ULK1: variants seen among roughly 807,000 people sequenced by gnomAD.
ULK1 encodes unc-51 like autophagy activating kinase 1, also known as serine/threonine-protein kinase ULK1.
ULK1 carries 48 observed loss-of-function variants against 117.5 expected under a neutral mutation model. That is an observed-to-expected ratio of 0.41 (90% CI 0.32 to 0.52). ULK1 has a LOEUF of 0.52. ULK1 is among the 20% of genes least tolerant of loss of function. The pLI, the probability that ULK1 is intolerant of heterozygous loss-of-function variation, is 0.29. For synonymous variants in ULK1, 790 were observed against 637.8 expected (o/e 1.24, Z -3.60); for missense variants, 1,387 against 1,473.4 (o/e 0.94, Z 0.96).
At chr12:131,919,699 A>G (rs1173997315) in intron 25 of ULK1, 109 bp downstream of exon 25, 1 of 1,295,568 alleles carries the variant, frequency 7.7e-7, no homozygotes, top group South Asian at 1.3e-5. Flanking sequence ...GCCCCTGTGC[A>G]GAGGTGCAGA....
At chr12:131,914,316 A>T in intron 15 of ULK1, 36 bp from the exon 16 acceptor site, 1 of 1,600,884 alleles carries the variant, frequency 6.2e-7, no homozygotes. Context: ...TTGTGACCCC[A>T]GTGTCTGTCA....
intron 8 of ULK1, 89 bp downstream of exon 8, chr12:131,909,326 G>A (rs1242345453): frequency 7.2e-6 from 10 of 1,397,924 alleles, no homozygotes; most frequent in Middle Eastern, 2.3e-4. Flanking sequence ...AGCCCTGCCC[G>A]CGCCCCACGA....
At chr12:131,906,753 C>A in intron 3 of ULK1, 139 bp from the exon 4 acceptor site, 1 of 1,035,960 alleles carries the variant, frequency 9.7e-7, no homozygotes. Flanking sequence ...CAGAGATGTC[C>A]TCGTCTCCCG....
rs1238999526 is a variant in ULK1 at position 131,917,149 on chromosome 12, A to C, written c.2182+87A>C. ...TCGGAGGCTGTGGGATGGGGGTCGG[A>C]GGCTGTGGGATGGGGCTCGAGGCTG... On this transcript the variant is annotated intron_variant, in intron 21 of 27. Transcript: ENST00000321867. The C allele has an allele frequency of 3.2e-5, 13 of 411,934 alleles. 2 individuals are homozygous for C. Among genetic ancestry groups the C allele is most frequent in the African/African-American group, 3.4e-4 (2 of 5,818 alleles). 25.5% of individuals were successfully genotyped at this position (411,934 alleles called of 1,614,324 possible). A position where few individuals can be genotyped will look rare whatever the true frequency, so the allele number is the denominator to read the frequency against.
rs371537145 is a variant in ULK1, at chr12:131,919,605, C to T, written c.2803+15C>T. ...TGTGAAGCAGGGTGAGGGCTGCGAC[C>T]GCTCAGCCCACATGCCGGGTTGGGG... is the stretch of plus-strand genomic sequence containing the variant. On this transcript the variant is annotated intron_variant, in intron 25 of 27. Coordinates refer to ENST00000321867, the MANE Select transcript of ULK1 (RefSeq NM_003565.4). 4.9e-5 allele frequency: 78 copies of T among 1,608,234 alleles called. 1 individual carries two copies. Among genetic ancestry groups the T allele is most frequent in the African/African-American group, 2.5e-4 (19 of 75,020 alleles).
Position 131,908,881 on chromosome 12 carries a change from A to C in ULK1, c.491-17A>C. 6.2e-7 allele frequency: 1 copy of C among 1,609,320 alleles called. No individual in the cohort carries two copies. The highest frequency in any genetic ancestry group is 8.5e-7 in the Non-Finnish European group (1 of 1,179,568). On this transcript the variant is annotated splice_polypyrimidine_tract_variant and intron_variant, in intron 6 of 27. Transcript: ENST00000321867. ...GGCTCCGGGGCCGGCGCCGGTCCTGACGCTTCTCTCCCGCAGCTGACTTCG... is the reference window on the plus strand; with the variant it reads ...GGCTCCGGGGCCGGCGCCGGTCCTGCCGCTTCTCTCCCGCAGCTGACTTCG...
chr12:131,916,364 C>G, intron 19 of ULK1, 34 bp from the exon 20 acceptor site: 7 of 1,533,790 alleles, frequency 4.6e-6, no homozygotes, highest in Non-Finnish European at 6.1e-6. Context: ...TGCAGACCTG[C>G]GGGGCAGTCT....
Position 131,908,283 on chromosome 12 carries a change from G to A in ULK1, c.317-361G>A, listed in dbSNP as rs894826524. On this transcript the variant is annotated intron_variant, in intron 5 of 27. Transcript: ENST00000321867. Reference sequence around the variant, plus strand: ...CGCGTAGCTGAGACTGGGGCTGCGGGTCGGGTCGGGCTGTGCGCGGCTGGC... The same window carrying A: ...CGCGTAGCTGAGACTGGGGCTGCGGATCGGGTCGGGCTGTGCGCGGCTGGC... Among the ~76,000 whole-genome samples, 8 of 152,180 alleles carry A rather than the reference G, an allele frequency of 5.3e-5. No homozygotes were observed. In the South Asian group the frequency reaches 1.0e-3, roughly 20 times the overall value.
At position 131,908,976 on chromosome 12, in the gene ULK1, GT is replaced by G. The variant is rs1889399237; in HGVS notation, c.564+8del. The stretch of plus-strand genomic sequence containing the variant: ...TGCGGCTCCCCCATGTACATGGTGT[GT>G]TTACCTTGGCCGGGCTGTGCCGGGT... On this transcript the variant is annotated splice_donor_region_variant and intron_variant, in intron 7 of 27. Coordinates refer to ENST00000321867, the MANE Select transcript of ULK1 (RefSeq NM_003565.4). 1 of 1,612,878 alleles carries G rather than the reference GT, an allele frequency of 6.2e-7. No individual in the cohort carries two copies. The highest frequency in any genetic ancestry group is 8.5e-7 in the Non-Finnish European group (1 of 1,179,866).
chr12:131,918,280 G>A, intron 22 of ULK1: 1 of 611,308 alleles, frequency 1.6e-6, no homozygotes, highest in Non-Finnish European at 2.8e-6. Flanking sequence ...GGCCTGAGGT[G>A]GGGAGCTGGG....
At chr12:131,910,607 G>T in intron 11 of ULK1, 105 bp from the exon 12 acceptor site, 2 of 1,607,374 alleles carry the variant, frequency 1.2e-6, no homozygotes, top group Non-Finnish European at 8.5e-7. Context: ...GGGTGTAGCC[G>T]GAAGTGGAGG....
chr12:131,916,670 G>A (rs933081258), intron 20 of ULK1, 79 bp downstream of exon 20: 5 of 1,411,350 alleles, frequency 3.5e-6, no homozygotes, highest in Admixed American at 2.9e-5. Flanking sequence ...GGGTACTTCT[G>A]GGGGGTAGAA....
At chr12:131,896,645 G>C (rs941892492) in intron 3 of ULK1, 2 of 151,802 alleles carry the variant, frequency 1.3e-5, no homozygotes, top group Admixed American at 1.3e-4. Flanking sequence ...GTGCCGGGTG[G>C]GGGGGGCCCA....
At chr12:131,910,092 C>G in intron 10 of ULK1, 91 bp downstream of exon 10, 1 of 1,565,596 alleles carries the variant, frequency 6.4e-7, no homozygotes, top group Non-Finnish European at 8.7e-7. Context: ...TCACACCCAG[C>G]CCCATGTGCA....
rs535433315 is a variant in ULK1 at position 131,910,837 on chromosome 12, T to C, written c.948+37T>C. On this transcript the variant is annotated intron_variant, in intron 12 of 27. Transcript: ENST00000321867. ...CCCCAGGGGCTTGGCAGCTTCTCCC[T>C]CCACTCAGCAGTCAGGGGCTCCAGC... 8.7e-6 allele frequency: 14 copies of C among 1,610,154 alleles called. No homozygotes were observed. In the South Asian group the frequency reaches 1.3e-4, roughly 15 times the overall value.
intron 11 of ULK1, 50 bp from the exon 12 acceptor site, chr12:131,910,662 A>C: frequency 1.2e-6 from 2 of 1,612,742 alleles, no homozygotes; most frequent in South Asian, 2.2e-5. Context: ...CTCGAGGGTG[A>C]GGAGGAGACA....
At position 131,915,806 on chromosome 12, in the gene ULK1, C is replaced by T. The variant is rs1889751861; in HGVS notation, c.1610-85C>T. ...AGAGTGGGGCCTTGGAGTGCGTCTA[C>T]CCCAAGGGGCTCCGTGTGGTAGCAG... On this transcript the variant is annotated intron_variant, in intron 18 of 27. Coordinates refer to ENST00000321867, the MANE Select transcript of ULK1 (RefSeq NM_003565.4). 2.6e-5 allele frequency: 41 copies of T among 1,570,210 alleles called. No homozygotes were observed. The South Asian group carries it at 4.6e-4, about 18-fold the overall frequency.
At chr12:131,920,422 G>C (rs138571931) in intron 26 of ULK1, 2 of 404,050 alleles carry the variant, frequency 4.9e-6, no homozygotes, top group Non-Finnish European at 9.1e-6. Flanking sequence ...AGGCCTCGTA[G>C]TCAGGTGTCA....
chr12:131,895,480 G>A, intron 1 of ULK1, 121 bp from the exon 2 acceptor site: 2 of 810,714 alleles, frequency 2.5e-6, no homozygotes. Context: ...CTCCCCACTC[G>A]GCCTTCCAGT....
Sources: allele counts gnomAD v4.1 joint callset (sites outside exome capture counted in the v4.1 genomes callset), GRCh38; gene constraint gnomAD v4.1.1; transcripts MANE v1.5; gene names NCBI Gene and HGNC (gene_info 2026-07-23, HGNC 2026-07-21).